The following ZFHX3 variants were observed in gnomAD, a reference collection of about 807,000 sequenced individuals.
The protein encoded by ZFHX3 is zinc finger homeobox 3.
A neutral mutation model predicts 279.1 loss-of-function variants in ZFHX3; 42 were observed. The ratio of observed to expected loss-of-function variants is 0.15; its 90% CI spans 0.12 to 0.19. The LOEUF (loss-of-function observed/expected upper bound fraction) is 0.19. Ranked by LOEUF, ZFHX3 falls within the 10% of genes least tolerant of loss-of-function variation. The pLI, the probability that ZFHX3 is intolerant of heterozygous loss-of-function variation, is 1.00. For missense variants in ZFHX3, 4,981 were observed against 4,754.0 expected (o/e 1.05, Z -1.40); for synonymous variants, 2,293 against 1,957.8 (o/e 1.17, Z -4.52).
intron 2 of ZFHX3, among the ~76,000 whole-genome samples, chr16:73,519,261 A>G (rs1453578146): frequency 6.6e-6 from 1 of 152,186 alleles, no homozygotes; most frequent in Non-Finnish European, 1.5e-5. Flanking sequence ...TATTTTCTAC[A>G]TTATTGGTTA....
chr16:73,584,328 C>G (rs28665771), intron 2 of ZFHX3, among the ~76,000 whole-genome samples: 8,195 of 152,170 alleles, frequency 0.054, 733 homozygotes, highest in African/African-American at 0.19. Context: ...AAATCCATAT[C>G]TAAACCTCTC....
intron 1 of ZFHX3, among the ~76,000 whole-genome samples, chr16:73,707,265 A>G (rs970622128): frequency 7.2e-5 from 11 of 152,172 alleles, no homozygotes; most frequent in Non-Finnish European, 1.3e-4. Flanking sequence ...ATGTCTACCC[A>G]TAGTCTGAGG....
At chr16:73,195,349 C>G (rs1968120421) in intron 5 of ZFHX3, among the ~76,000 whole-genome samples, 1 of 151,522 alleles carries the variant, frequency 6.6e-6, no homozygotes, top group South Asian at 2.1e-4. Flanking sequence ...AAACAAATAC[C>G]TGTTTGGAAA....
intron 7 of ZFHX3, among the ~76,000 whole-genome samples, chr16:73,104,222 T>C (rs939311194): frequency 3.3e-4 from 20 of 59,936 alleles, no homozygotes; most frequent in Non-Finnish European, 6.3e-4. Flanking sequence ...TTATTTTATG[T>C]ATTTATTTAT....
chr16:73,221,788 T>C (rs2012429241), intron 5 of ZFHX3, among the ~76,000 whole-genome samples: 1 of 152,126 alleles, frequency 6.6e-6, no homozygotes. Context: ...TATAAAGTAC[T>C]ATTCAAATAA....
chr16:73,411,641 A>G (rs1470665306), intron 3 of ZFHX3, among the ~76,000 whole-genome samples: 1 of 152,236 alleles, frequency 6.6e-6, no homozygotes, highest in Admixed American at 6.5e-5. Context: ...TTTAAAATTA[A>G]CTATCAGCAT....
chr16:73,152,338 A>G (rs1966964219), intron 5 of ZFHX3, among the ~76,000 whole-genome samples: 1 of 152,202 alleles, frequency 6.6e-6, no homozygotes, highest in Admixed American at 6.5e-5. Context: ...TTATCAAGGA[A>G]GATTATTTTT....
At chr16:73,644,122 T>C (rs1244749051) in intron 2 of ZFHX3, among the ~76,000 whole-genome samples, 2 of 152,116 alleles carry the variant, frequency 1.3e-5, no homozygotes, top group African/African-American at 4.8e-5. Context: ...GCTTGGTCTT[T>C]GACCTAGGTG....
At chr16:73,161,358 C>A (rs1457603761) in intron 5 of ZFHX3, among the ~76,000 whole-genome samples, 1 of 152,190 alleles carries the variant, frequency 6.6e-6, no homozygotes, top group African/African-American at 2.4e-5. Context: ...AGCTGCTTTG[C>A]TCTTCTGAAT....
At chr16:72,938,084 C>T (rs965218267) in intron 3 of ZFHX3, among the ~76,000 whole-genome samples, 2 of 152,256 alleles carry the variant, frequency 1.3e-5, no homozygotes, top group African/African-American at 2.4e-5. Context: ...CCACCTAGCA[C>T]ATGACGCAGA....
intron 1 of ZFHX3, among the ~76,000 whole-genome samples, chr16:73,822,103 G>A (rs527452520): frequency 3.4e-4 from 52 of 152,274 alleles, no homozygotes; most frequent in African/African-American, 1.1e-3. Context: ...CATCATCAGT[G>A]TCCAGTACAA....
At chr16:73,873,771 C>T (rs1463375822) in intron 1 of ZFHX3, among the ~76,000 whole-genome samples, 1 of 151,946 alleles carries the variant, frequency 6.6e-6, no homozygotes, top group Non-Finnish European at 1.5e-5. Context: ...AGAGGAGTTC[C>T]CTGTTTGTGG....
intron 3 of ZFHX3, among the ~76,000 whole-genome samples, chr16:73,357,784 C>T (rs2016369004): frequency 6.6e-6 from 1 of 152,206 alleles, no homozygotes; most frequent in South Asian, 2.1e-4. Flanking sequence ...GTCACTCTGT[C>T]AGACTCCTCA....
chr16:73,262,579 G>T (rs75374756), intron 4 of ZFHX3, among the ~76,000 whole-genome samples: 2,197 of 152,284 alleles, frequency 0.014, 51 homozygotes, highest in African/African-American at 0.051. Flanking sequence ...TAAAAAAAGG[G>T]CTTGAGGAGA....
rs567408479 is a variant in ZFHX3 at position 72,787,401 on chromosome 16, C to A, written c.10875G>T (p.Ser3625=). 12 of 1,599,786 alleles carry A rather than the reference C, an allele frequency of 7.5e-6. No individual in the cohort carries two copies. In the East Asian group the frequency reaches 2.3e-4, roughly 30 times the overall value. ...GAGGAAAAGAAGGGGGCTTCGCTGC[C>A]GAAGCCCGGGAGACCACTTGCGGCC... is the stretch of plus-strand genomic sequence containing the variant. ...KSWPQVVSRA[S]AAKPPSFPPL... Residue 3625 remains serine, a synonymous_variant, in exon 10 of 10, where the codon TCG becomes TCT. Coordinates refer to ENST00000268489, the MANE Select transcript of ZFHX3 (RefSeq NM_006885.4).
At chr16:73,728,792 T>C (rs980413989) in intron 1 of ZFHX3, among the ~76,000 whole-genome samples, 6 of 143,708 alleles carry the variant, frequency 4.2e-5, no homozygotes, top group African/African-American at 1.6e-4. Flanking sequence ...TACTTTACCT[T>C]AATGCTAAGA....
chr16:73,441,602 T>C (rs1383418141), intron 3 of ZFHX3, among the ~76,000 whole-genome samples: 1 of 152,124 alleles, frequency 6.6e-6, no homozygotes. Context: ...TAACGACGCA[T>C]ACCAATAGGA....
intron 1 of ZFHX3, among the ~76,000 whole-genome samples, chr16:73,718,607 A>C (rs2053440281): frequency 1.1e-5 from 1 of 89,214 alleles, no homozygotes; most frequent in African/African-American, 3.1e-5. Context: ...GTATTTATTT[A>C]TTTATTATTT....
intron 3 of ZFHX3, among the ~76,000 whole-genome samples, chr16:73,411,804 A>G (rs2017471946): frequency 6.6e-6 from 1 of 152,192 alleles, no homozygotes; most frequent in Non-Finnish European, 1.5e-5. Flanking sequence ...TGCCACGCCC[A>G]GCATCCTTAC....
Sources: gnomAD v4.1 joint callset for allele counts (sites outside exome capture counted in the v4.1 genomes callset) on GRCh38, gnomAD v4.1.1 for gene constraint, MANE v1.5 for transcripts, NCBI Gene and HGNC (gene_info 2026-07-23, HGNC 2026-07-21) for gene names.